Variants in TRIM26 observed in about 807,000 individuals in gnomAD.
TRIM26 encodes the protein tripartite motif containing 26, also known as tripartite motif-containing protein 26.
A neutral mutation model predicts 45.5 loss-of-function variants in TRIM26; 16 were observed. The observed-to-expected ratio is 0.35, with a 90% CI of 0.24 to 0.53. The LOEUF (loss-of-function observed/expected upper bound fraction) is 0.53, where lower values mean the gene tolerates loss of function less well. Ranked by LOEUF, TRIM26 falls within the 20% of genes least tolerant of loss-of-function variation. The probability of loss-of-function intolerance (pLI) is 0.92; values close to 1 mark genes in which losing one functional copy is unlikely to be tolerated. For missense variants in TRIM26, 442 were observed against 691.1 expected, an observed-to-expected ratio of 0.64 and a Z score of 4.04; for synonymous variants, 273 against 290.4, an observed-to-expected ratio of 0.94 and a Z score of 0.61.
intron 9 of TRIM26, chr6:30,187,125 G>T: frequency 3.4e-6 from 1 of 292,792 alleles, no homozygotes; most frequent in Non-Finnish European, 6.7e-6. Flanking sequence ...GAAGTTGCAT[G>T]GACTCTACCC....
At chr6:30,193,114 ATG>A (rs1402771289) in intron 6 of TRIM26, among the ~76,000 whole-genome samples, 22 of 93,596 alleles carry the variant, frequency 2.4e-4, no homozygotes, top group Middle Eastern at 4.6e-3. Flanking sequence ...ATACATATAT[ATG>A]TGTATATATA....
intron 6 of TRIM26, among the ~76,000 whole-genome samples, chr6:30,193,731 C>T (rs1243928853): frequency 6.6e-6 from 1 of 152,054 alleles, no homozygotes; most frequent in Non-Finnish European, 1.5e-5. Flanking sequence ...TTGTTTGTGT[C>T]CTCTTCAATT....
chr6:30,199,724 C>T (rs567589820), intron 3 of TRIM26, among the ~76,000 whole-genome samples: 2 of 151,856 alleles, frequency 1.3e-5, no homozygotes, highest in African/African-American at 4.8e-5. Flanking sequence ...GCAACCTCCG[C>T]CTCCCAGGTT....
chr6:30,187,021 T>C (rs1402830371), intron 9 of TRIM26: 1 of 376,478 alleles, frequency 2.7e-6, no homozygotes, highest in Non-Finnish European at 5.0e-6. Flanking sequence ...AGGAACACTA[T>C]GAAACACAAT....
At position 30,186,446 on chromosome 6, in the gene TRIM26, C is replaced by G; in HGVS notation, c.1050G>C (p.Gln350His). 6.2e-7 allele frequency: 1 copy of G among 1,601,576 alleles called. No individual in the cohort carries two copies. Among genetic ancestry groups the G allele is most frequent in the Non-Finnish European group, 8.5e-7 (1 of 1,173,612 alleles). The change falls in exon 10 of 10, where the codon CAG becomes CAC. Residue 350 changes from glutamine to histidine, a missense_variant. By Grantham distance (24) the Gln-to-His change is conservative (BLOSUM62 0). Transcript: ENST00000454678. This position sits in a 1 kb window ranked among gnomAD's most constrained non-coding sequence, Gnocchi z 7.4. The part of the protein sequence containing the change: ...LYKSAYLHPQ[Q>H]FDCEPGVLGS... ...CTAGCACCCCAGGCTCACAGTCAAA[C>G]TGCTGGGGGTGCAGGTAGGCACTCT...
rs564406681 is a variant in TRIM26, at chr6:30,199,088, G to A, written c.16C>T (p.Pro6Ser). 3 of 1,565,286 alleles carry A rather than the reference G, an allele frequency of 1.9e-6. No individual in the cohort carries two copies. In the South Asian group the frequency reaches 3.6e-5, roughly 19 times the overall value. The change falls in exon 4 of 10, where the codon CCA (proline) becomes TCA (serine). Residue 6 changes from proline to serine, a missense_variant. Pro to Ser is a moderately conservative substitution (Grantham distance 74). Coordinates refer to ENST00000454678, the MANE Select transcript of TRIM26 (RefSeq NM_003449.5). MATSA[P>S]LRSLEEEVTC... The stretch of plus-strand genomic sequence containing the variant: ...ACCTCCTCTTCCAGGCTCCGTAGTG[G>A]GGCTGACGTGGCCATGGTATCCTTA...
At chr6:30,206,580 C>T (rs938479433) in intron 1 of TRIM26, among the ~76,000 whole-genome samples, 1 of 152,258 alleles carries the variant, frequency 6.6e-6, no homozygotes, top group Non-Finnish European at 1.5e-5. Flanking sequence ...AATCATGAAC[C>T]AAGCTCTCTT....
At chr6:30,201,933 T>C (rs1236206901) in intron 2 of TRIM26, among the ~76,000 whole-genome samples, 4 of 151,920 alleles carry the variant, frequency 2.6e-5, no homozygotes, top group Admixed American at 6.6e-5. Context: ...GGCTCAGCAG[T>C]TTTTCAGTTG....
At position 30,189,135 on chromosome 6, in the gene TRIM26, G is replaced by A; in HGVS notation, c.937+32C>T. The A allele has an allele frequency of 1.2e-6, 2 of 1,603,176 alleles. No individual in the cohort carries two copies. Among genetic ancestry groups the A allele is most frequent in the East Asian group, 4.5e-5 (2 of 44,830 alleles). ...GCAGGCGGAGTTTTCTATATTTGAT[G>A]TACATCTGGGAAACACCCTCTAGAC... On this transcript the variant is annotated intron_variant, in intron 9 of 9. Coordinates refer to ENST00000454678, the MANE Select transcript of TRIM26 (RefSeq NM_003449.5). The surrounding 1 kb of genome is among the most constrained non-coding windows in gnomAD (Gnocchi z 5.0).
chr6:30,199,403 T>C (rs1562216874), intron 3 of TRIM26, 139 bp from the exon 4 acceptor site: 1 of 371,708 alleles, frequency 2.7e-6, no homozygotes, highest in Non-Finnish European at 4.8e-6. Context: ...AGCCTATACC[T>C]TGCTGTTGGG....
At chr6:30,193,158 G>GTATA (rs1359857328) in intron 6 of TRIM26, among the ~76,000 whole-genome samples, 20 of 31,100 alleles carry the variant, frequency 6.4e-4, no homozygotes, top group East Asian at 8.2e-4. Context: ...GTGTGTGTGT[G>GTATA]TGTGTATATA....
rs959148594 is a variant in TRIM26, at chr6:30,188,475, G to T, written c.937+692C>A. The T allele has an allele frequency of 2.6e-5, 7 of 274,290 alleles. No individual in the cohort carries two copies. In the East Asian group the frequency reaches 4.0e-4, roughly 16 times the overall value. 17.0% of individuals were successfully genotyped at this position (274,290 alleles called of 1,614,324 possible). ...TAGAATAACCTGATAGGTAAAATTT[G>T]ACGGTATTCACAGACAGCTCAGACA... On this transcript the variant is annotated intron_variant, in intron 9 of 9. Coordinates refer to ENST00000454678, the MANE Select transcript of TRIM26 (RefSeq NM_003449.5).
At chr6:30,193,182 A>ATATTTTTTTT (rs9280916) in intron 6 of TRIM26, among the ~76,000 whole-genome samples, 1 of 38,820 alleles carries the variant, frequency 2.6e-5, no homozygotes, top group African/African-American at 1.2e-4. Flanking sequence ...ATATATATAT[A>ATATTTTTTTT]TTTTTTTTTT....
Position 30,189,185 on chromosome 6 carries a change from C to T in TRIM26, c.919G>A (p.Asp307Asn), listed in dbSNP as rs763439428. 2 of 1,613,012 alleles carry T rather than the reference C, an allele frequency of 1.2e-6. No homozygotes were observed. Among genetic ancestry groups the T allele is most frequent in the East Asian group, 4.5e-5 (2 of 44,878 alleles). The change falls in exon 9 of 10, where the codon GAC becomes AAC. Residue 307 changes from aspartate to asparagine, a missense_variant. Transcript: ENST00000454678. This position sits in a 1 kb window ranked among gnomAD's most constrained non-coding sequence, Gnocchi z 5.0. ...LREFQGKLLR[D>N]LEYKTVSVTL... ...CACTCACCTGTCTTATATTCCAAGT[C>T]TCTCAGCAGCTTCCCTGGGGAGAAA... is the stretch of plus-strand genomic sequence containing the variant.
chr6:30,193,061 A>G (rs1562198411), intron 6 of TRIM26, among the ~76,000 whole-genome samples: 1 of 33,174 alleles, frequency 3.0e-5, no homozygotes, highest in Non-Finnish European at 5.2e-5. Context: ...ACAGCTTTGT[A>G]GTATATATAT....
chr6:30,185,732 C>T lies in TRIM26; in HGVS notation c.*144G>A, dbSNP rs113084099. 6,154 of 888,548 alleles carry T rather than the reference C, an allele frequency of 6.9e-3. 77 individuals are homozygous for T. Among genetic ancestry groups the T allele is most frequent in the Middle Eastern group, 0.049 (219 of 4,442 alleles). 55.0% of individuals were successfully genotyped at this position (888,548 alleles called of 1,614,324 possible). A position where few individuals can be genotyped will look rare whatever the true frequency, so the allele number is the denominator to read the frequency against. On this transcript the variant is annotated 3_prime_UTR_variant, in exon 10 of 10. Transcript: ENST00000454678. This position sits in a 1 kb window ranked among gnomAD's most constrained non-coding sequence, Gnocchi z 5.7. The stretch of plus-strand genomic sequence containing the variant: ...CACTGAGTGAGATTTCAGGGGGCCA[C>T]AGCAATGGGGAGGTGGCTACCAGTG...
Position 30,185,899 on chromosome 6 carries a change from T to C in TRIM26, c.1597A>G (p.Thr533Ala). Residue 533 changes from threonine to alanine, a missense_variant, in exon 10 of 10, where the codon ACA becomes GCA. Coordinates refer to ENST00000454678, the MANE Select transcript of TRIM26 (RefSeq NM_003449.5). The surrounding 1 kb of genome is among the most constrained non-coding windows in gnomAD (Gnocchi z 5.7). ...GCTCAGGGTCTTAGCAGGAGGCGTG[T>C]TCCTGGCCACTTGAGCCACAGGAAG... ...VPFLWLKWPG[T>A]RLLLRP The C allele has an allele frequency of 6.2e-7, 1 of 1,612,766 alleles. No homozygotes were observed. The highest frequency in any genetic ancestry group is 8.5e-7 in the Non-Finnish European group (1 of 1,179,868).
intron 1 of TRIM26, among the ~76,000 whole-genome samples, chr6:30,211,881 C>T (rs375022792): frequency 6.6e-6 from 1 of 152,146 alleles, no homozygotes; most frequent in Non-Finnish European, 1.5e-5. Context: ...ATCTTCCATG[C>T]AGAATAACTG....
chr6:30,191,028 G>A (rs1466509431), intron 6 of TRIM26, among the ~76,000 whole-genome samples: 2 of 152,140 alleles, frequency 1.3e-5, no homozygotes, highest in Non-Finnish European at 2.9e-5. Flanking sequence ...TTGGTCCGGA[G>A]GCTTTTGCCG....
Sources: allele counts gnomAD v4.1 joint callset (sites outside exome capture counted in the v4.1 genomes callset), GRCh38; gene constraint gnomAD v4.1.1; non-coding constraint Gnocchi (gnomAD v3.1); transcripts MANE v1.5; gene names NCBI Gene and HGNC (gene_info 2026-07-23, HGNC 2026-07-21).